Variants in DISC1 observed in about 807,000 individuals in gnomAD.
DISC1 encodes the protein DISC1 scaffold protein.
In DISC1, 57 loss-of-function variants were observed where a neutral mutation model predicts 84.5. The ratio of observed to expected loss-of-function variants is 0.67; its 90% confidence interval spans 0.55 to 0.84. The LOEUF (loss-of-function observed/expected upper bound fraction) is 0.84, where lower values mean the gene tolerates loss of function less well. Ranked by LOEUF, DISC1 falls within the 40% of genes least tolerant of loss-of-function variation. DISC1 has a pLI of 0.00. For synonymous variants in DISC1, 411 were observed against 415.2 expected (o/e 0.99, Z 0.12); for missense variants, 1,000 against 1,057.8 (o/e 0.95, Z 0.76).
chr1:231,824,595 T>C (rs2081724622), intron 9 of DISC1, among the ~76,000 whole-genome samples: 1 of 152,172 alleles, frequency 6.6e-6, no homozygotes, highest in Non-Finnish European at 1.5e-5. Context: ...TTTCTAAGCT[T>C]GAAATTTGCA....
In DISC1 at chr1:231,722,774, G is replaced by A. The variant is rs2069997449; in HGVS notation, c.1117+20750G>A. ...CTTTTAACATTATTTCAGGATAGCAGCTGTCTGGATGCTGGCCATGGGCTT... is the reference window on the plus strand; with the variant it reads ...CTTTTAACATTATTTCAGGATAGCAACTGTCTGGATGCTGGCCATGGGCTT... On this transcript the variant is annotated intron_variant, in intron 3 of 12. Transcript: ENST00000439617. 9.4e-6 allele frequency: 14 copies of A among 1,484,396 alleles called. No homozygotes were observed. In the South Asian group the frequency reaches 1.6e-4, roughly 17 times the overall value. The allele number at this position is 1,484,396 out of a possible 1,614,324, so 92.0% of individuals were successfully genotyped here. A position where few individuals can be genotyped will look rare whatever the true frequency, so the allele number is the denominator to read the frequency against.
At chr1:231,697,155 C>T (rs1306766810) in intron 2 of DISC1, among the ~76,000 whole-genome samples, 1 of 152,134 alleles carries the variant, frequency 6.6e-6, no homozygotes, top group African/African-American at 2.4e-5. Context: ...GCGGCTGAGG[C>T]CTTCGGGACA....
intron 9 of DISC1, among the ~76,000 whole-genome samples, chr1:231,947,840 A>C (rs536382798): frequency 6.7e-6 from 1 of 148,836 alleles, no homozygotes; most frequent in South Asian, 2.1e-4. Flanking sequence ...TTATGTAACA[A>C]ACAGACGTAT....
chr1:231,759,957 A>G (rs1353266052), intron 4 of DISC1, among the ~76,000 whole-genome samples: 1 of 152,174 alleles, frequency 6.6e-6, no homozygotes, highest in African/African-American at 2.4e-5. Context: ...AAAGCTCCCA[A>G]ATAAAGGTCT....
intron 6 of DISC1, among the ~76,000 whole-genome samples, chr1:231,780,802 C>A (rs2077359659): frequency 1.1e-5 from 1 of 94,276 alleles, no homozygotes. Flanking sequence ...AAATGTGGCA[C>A]ATATACACCA....
Position 231,630,121 on chromosome 1 carries a change from GGGTTTCACCATGTTGATCAGCAT to G in DISC1, c.67+3191_67+3213del, listed in dbSNP as rs1369506659. ...AATTTTTGTATTTTTAATACAGACA[GGGTTTCACCATGTTGATCAGCAT>G]GGTCTCGATCTCCTGACCTTGTAAT... On this transcript the variant is annotated intron_variant, in intron 1 of 12. Transcript: ENST00000439617. This position sits in a 1 kb window ranked among gnomAD's most constrained non-coding sequence, Gnocchi z 4.4. Among the ~76,000 whole-genome samples the G allele has an allele frequency of 6.6e-6, 1 of 151,990 alleles. No homozygotes were observed. Among genetic ancestry groups the G allele is most frequent in the Non-Finnish European group, 1.5e-5 (1 of 68,004 alleles).
chr1:231,634,284 C>T (rs1432543269), intron 1 of DISC1, among the ~76,000 whole-genome samples: 3 of 152,002 alleles, frequency 2.0e-5, no homozygotes, highest in Admixed American at 2.0e-4. Flanking sequence ...AAGCATGCCT[C>T]ATCTTACTCC....
intron 8 of DISC1, among the ~76,000 whole-genome samples, chr1:231,801,975 C>T (rs1432227498): frequency 6.6e-5 from 10 of 151,950 alleles, no homozygotes; most frequent in Non-Finnish European, 1.0e-4. Flanking sequence ...CCCGCCACCA[C>T]GCCCGGCTAA....
intron 10 of DISC1, among the ~76,000 whole-genome samples, chr1:231,983,422 G>A (rs544856276): frequency 2.7e-3 from 407 of 149,810 alleles, no homozygotes; most frequent in Non-Finnish European, 4.3e-3. Flanking sequence ...GAAACAACGC[G>A]TGCTTCAGAG....
At chr1:231,758,502 A>G (rs2075355711) in intron 4 of DISC1, among the ~76,000 whole-genome samples, 2 of 152,088 alleles carry the variant, frequency 1.3e-5, no homozygotes, top group South Asian at 4.2e-4. Flanking sequence ...GTGGGTATTG[A>G]GAGTGGTGGT....
At chr1:231,683,600 C>G (rs535719849) in intron 1 of DISC1, among the ~76,000 whole-genome samples, 8 of 150,914 alleles carry the variant, frequency 5.3e-5, no homozygotes, top group Non-Finnish European at 7.4e-5. Flanking sequence ...GTGAACACCC[C>G]CTCTGTGACC....
chr1:231,916,584 G>A (rs892153624), intron 9 of DISC1, among the ~76,000 whole-genome samples: 1 of 149,688 alleles, frequency 6.7e-6, no homozygotes, highest in Non-Finnish European at 1.5e-5. Flanking sequence ...GAACCCGGGA[G>A]GCGGAGCTTG....
chr1:231,668,082 AATAC>A (rs2062192606), intron 1 of DISC1, among the ~76,000 whole-genome samples: 1 of 151,958 alleles, frequency 6.6e-6, no homozygotes, highest in South Asian at 2.1e-4. Context: ...GTGCATACTT[AATAC>A]ATACATCTTG....
At chr1:231,942,691 A>T (rs1185952697) in intron 9 of DISC1, among the ~76,000 whole-genome samples, 1 of 152,110 alleles carries the variant, frequency 6.6e-6, no homozygotes, top group East Asian at 1.9e-4. Flanking sequence ...AATAAATAAA[A>T]AAGAAAAAAA....
intron 9 of DISC1, among the ~76,000 whole-genome samples, chr1:231,953,077 A>G (rs745326449): frequency 6.6e-6 from 1 of 152,184 alleles, no homozygotes; most frequent in Non-Finnish European, 1.5e-5. Flanking sequence ...AACCAACTGT[A>G]AAATGGTGAT....
chr1:231,882,125 A>T (rs1268921807), intron 9 of DISC1, among the ~76,000 whole-genome samples: 2 of 152,262 alleles, frequency 1.3e-5, no homozygotes, highest in East Asian at 3.9e-4. Flanking sequence ...AGCTAGACAG[A>T]GTAAATATGG....
Position 231,889,470 on chromosome 1 carries a change from C to T in DISC1, c.1982-69358C>T, listed in dbSNP as rs575608607. ...ATCGCTGGTGTGATAAAACAGCAAACGTCACTGCTTATTGAAAGCAACTAG... is the reference window on the plus strand; with the variant it reads ...ATCGCTGGTGTGATAAAACAGCAAATGTCACTGCTTATTGAAAGCAACTAG... On this transcript the variant is annotated intron_variant, in intron 9 of 12. Transcript: ENST00000439617. Among the ~76,000 whole-genome samples, 16 of 152,306 alleles carry T rather than the reference C, an allele frequency of 1.1e-4. No homozygotes were observed. In the South Asian group the frequency reaches 1.9e-3, roughly 18 times the overall value.
At chr1:231,748,449 G>A (rs975686027) in intron 3 of DISC1, among the ~76,000 whole-genome samples, 3 of 152,034 alleles carry the variant, frequency 2.0e-5, no homozygotes, top group Non-Finnish European at 4.4e-5. Flanking sequence ...TTATTATGAA[G>A]GGATGTTGAA....
intron 8 of DISC1, among the ~76,000 whole-genome samples, chr1:231,804,802 A>C (rs890733143): frequency 6.6e-6 from 1 of 152,204 alleles, no homozygotes; most frequent in African/African-American, 2.4e-5. Flanking sequence ...CAGGATACAC[A>C]GAGCTCTGAA....
Sources: gnomAD v4.1 joint callset for allele counts (sites outside exome capture counted in the v4.1 genomes callset) on GRCh38, gnomAD v4.1.1 for gene constraint, Gnocchi (gnomAD v3.1) non-coding constraint, MANE v1.5 for transcripts, NCBI Gene and HGNC (gene_info 2026-07-23, HGNC 2026-07-21) for gene names.